Variants in PRKG1 observed in about 807,000 individuals in gnomAD.
The protein encoded by PRKG1 is protein kinase cGMP-dependent 1.
A neutral mutation model predicts 88.1 loss-of-function variants in PRKG1; 35 were observed. That is an observed-to-expected ratio of 0.40 (90% CI 0.30 to 0.53). The LOEUF is 0.53. Ranked by LOEUF, PRKG1 falls within the 20% of genes least tolerant of loss-of-function variation. The probability of loss-of-function intolerance (pLI) is 0.59; values close to 1 mark genes in which losing one functional copy is unlikely to be tolerated. For missense variants in PRKG1, 540 were observed against 839.8 expected (o/e 0.64, Z 4.41); for synonymous variants, 303 against 292.5 (o/e 1.04, Z -0.37).
chr10:52,193,178 C>A (rs1839408862), intron 9 of PRKG1, among the ~76,000 whole-genome samples: 1 of 152,038 alleles, frequency 6.6e-6, no homozygotes, highest in South Asian at 2.1e-4. Context: ...GTGGGAAAAG[C>A]AACAGGAAGC....
intron 5 of PRKG1, among the ~76,000 whole-genome samples, chr10:52,018,416 T>C (rs779857415): frequency 6.6e-6 from 1 of 152,210 alleles, no homozygotes; most frequent in Non-Finnish European, 1.5e-5. Context: ...TACACCAAGA[T>C]ACAAATTAGT....
intron 3 of PRKG1, among the ~76,000 whole-genome samples, chr10:51,606,153 A>G (rs910176337): frequency 6.6e-6 from 1 of 152,156 alleles, no homozygotes; most frequent in Non-Finnish European, 1.5e-5. Context: ...TGGTAGGTTA[A>G]TTTATTACTG....
At chr10:52,164,595 A>C (rs1838379046) in intron 9 of PRKG1, among the ~76,000 whole-genome samples, 1 of 152,116 alleles carries the variant, frequency 6.6e-6, no homozygotes, top group Non-Finnish European at 1.5e-5. Context: ...TTTTAATAAA[A>C]CAGTAACATT....
At chr10:51,682,746 G>A (rs1442076326) in intron 3 of PRKG1, among the ~76,000 whole-genome samples, 1 of 152,152 alleles carries the variant, frequency 6.6e-6, no homozygotes, top group Non-Finnish European at 1.5e-5. Context: ...GAGTCACATG[G>A]TTAGTATGTG....
chr10:52,114,077 A>G (rs1331108740), intron 7 of PRKG1, among the ~76,000 whole-genome samples: 3 of 152,206 alleles, frequency 2.0e-5, no homozygotes, highest in Middle Eastern at 3.4e-3. Flanking sequence ...TGTTTTTTGC[A>G]TAATAATGGA....
intron 2 of PRKG1, among the ~76,000 whole-genome samples, chr10:51,328,923 T>A (rs918856804): frequency 2.6e-5 from 4 of 152,190 alleles, no homozygotes; most frequent in African/African-American, 9.6e-5. Context: ...GCGTTGCCCA[T>A]TTTTAATGGA....
intron 3 of PRKG1, among the ~76,000 whole-genome samples, chr10:51,766,741 C>T (rs1051425650): frequency 9.9e-5 from 15 of 152,092 alleles, no homozygotes; most frequent in Admixed American, 5.2e-4. Flanking sequence ...TAGCAAAGAT[C>T]GCATCTCCAA....
intron 3 of PRKG1, among the ~76,000 whole-genome samples, chr10:51,537,406 A>G (rs1334714920): frequency 6.6e-6 from 1 of 152,146 alleles, no homozygotes; most frequent in Non-Finnish European, 1.5e-5. Context: ...TGGGCTCTAA[A>G]GACAGATCAC....
chr10:51,456,020 G>A (rs530482653), intron 2 of PRKG1, among the ~76,000 whole-genome samples: 1 of 152,294 alleles, frequency 6.6e-6, no homozygotes, highest in South Asian at 2.1e-4. Flanking sequence ...ACCTGAGACT[G>A]GGTAATTTAT....
intron 8 of PRKG1, among the ~76,000 whole-genome samples, chr10:52,150,639 TAAA>T (rs1343464989): frequency 6.6e-6 from 1 of 152,138 alleles, no homozygotes; most frequent in African/African-American, 2.4e-5. Context: ...AGAGCAGAAA[TAAA>T]AAGTCCAGTA....
chr10:52,006,701 T>C (rs1844745333), intron 5 of PRKG1, among the ~76,000 whole-genome samples: 1 of 152,184 alleles, frequency 6.6e-6, no homozygotes, highest in Non-Finnish European at 1.5e-5. Context: ...AGAAAACATA[T>C]TTCAGGTATC....
At chr10:52,151,123 T>C (rs889884824) in intron 8 of PRKG1, among the ~76,000 whole-genome samples, 1 of 152,208 alleles carries the variant, frequency 6.6e-6, no homozygotes, top group Non-Finnish European at 1.5e-5. Context: ...ATGTGCAGTT[T>C]TGTTATATAG....
At chr10:51,708,943 C>G (rs891426660) in intron 3 of PRKG1, among the ~76,000 whole-genome samples, 1 of 152,026 alleles carries the variant, frequency 6.6e-6, no homozygotes, top group Non-Finnish European at 1.5e-5. Context: ...CCTGGTTGAC[C>G]ATGAATTCCA....
At chr10:51,006,230 T>A (rs1449536280) in intron 1 of PRKG1, among the ~76,000 whole-genome samples, 2 of 152,192 alleles carry the variant, frequency 1.3e-5, no homozygotes, top group African/African-American at 2.4e-5. Flanking sequence ...AGCTAATATG[T>A]GGGAAGACAT....
intron 1 of PRKG1, among the ~76,000 whole-genome samples, chr10:51,089,880 T>C (rs1844356293): frequency 6.6e-6 from 1 of 152,214 alleles, no homozygotes; most frequent in South Asian, 2.1e-4. Flanking sequence ...GTCATCACAC[T>C]TAGCTCAACC....
At chr10:51,203,658 T>C (rs943840198) in intron 2 of PRKG1, among the ~76,000 whole-genome samples, 1 of 152,044 alleles carries the variant, frequency 6.6e-6, no homozygotes, top group African/African-American at 2.4e-5. Flanking sequence ...CAACAGAGAG[T>C]TGCACACATT....
At chr10:51,544,865 T>C (rs1842408025) in intron 3 of PRKG1, among the ~76,000 whole-genome samples, 1 of 152,050 alleles carries the variant, frequency 6.6e-6, no homozygotes, top group Non-Finnish European at 1.5e-5. Context: ...CATCAAAAAT[T>C]GGGCAAAGGA....
At chr10:51,316,494 C>A (rs1841323894) in intron 2 of PRKG1, among the ~76,000 whole-genome samples, 1 of 151,950 alleles carries the variant, frequency 6.6e-6, no homozygotes, top group Admixed American at 6.6e-5. Context: ...CCAGCCTGGC[C>A]AACATGGTAA....
At chr10:51,337,477 C>T (rs1841904303) in intron 2 of PRKG1, among the ~76,000 whole-genome samples, 2 of 152,020 alleles carry the variant, frequency 1.3e-5, no homozygotes, top group African/African-American at 2.4e-5. Context: ...AACAGGCAAC[C>T]TACAGAGTGG....
Sources: allele counts gnomAD v4.1 joint callset (sites outside exome capture counted in the v4.1 genomes callset), GRCh38; gene constraint gnomAD v4.1.1; transcripts MANE v1.5; gene names NCBI Gene and HGNC (gene_info 2026-07-23, HGNC 2026-07-21).